RTTN: variants seen among roughly 807,000 people sequenced by gnomAD.
RTTN encodes rotatin.
In RTTN, 182 loss-of-function variants were observed where a neutral mutation model predicts 269.2. That is an observed-to-expected ratio of 0.68 (90% CI 0.60 to 0.76). The LOEUF (loss-of-function observed/expected upper bound fraction) is 0.76, where lower values mean the gene tolerates loss of function less well. RTTN is among the 30% of genes least tolerant of loss of function. The pLI, the probability that RTTN is intolerant of heterozygous loss-of-function variation, is 0.00. For missense variants in RTTN, 2,545 were observed against 2,608.6 expected (o/e 0.98, Z 0.53); for synonymous variants, 1,006 against 963.5 (o/e 1.04, Z -0.82).
chr18:70,090,151 G>A (rs1053494112), intron 30 of RTTN, among the ~76,000 whole-genome samples: 2 of 152,160 alleles, frequency 1.3e-5, no homozygotes, highest in Non-Finnish European at 2.9e-5. Flanking sequence ...AAGATGCAGA[G>A]AATGAAGGAA....
chr18:70,152,203 T>C (rs2060556378), intron 14 of RTTN, among the ~76,000 whole-genome samples: 1 of 60,570 alleles, frequency 1.7e-5, no homozygotes, highest in Non-Finnish European at 5.5e-5. Context: ...GTGGCTTTAA[T>C]ATCATCTCTA....
intron 8 of RTTN, 38 bp downstream of exon 8, chr18:70,193,250 G>A: frequency 6.5e-7 from 1 of 1,542,666 alleles, no homozygotes; most frequent in Non-Finnish European, 8.8e-7. Flanking sequence ...AAGTTAACCG[G>A]CATTTCTCAT....
rs770502697 is a variant in RTTN, at chr18:70,114,591, G to T, written c.3537C>A (p.Asn1179Lys). The change falls in exon 27 of 49, where the codon AAC becomes AAA. Residue 1179 changes from asparagine to lysine, a missense_variant. Physicochemically the swap from Asn to Lys is moderately conservative, Grantham distance 94. Transcript: ENST00000640769. Reference protein sequence around the residue: ...ILELLLRHSANPLLDLLVLTE... With the variant: ...ILELLLRHSAKPLLDLLVLTE... ...TCAGAACCAAGAGGTCTAACAGTGG[G>T]TTTGCACTCTAAAAAATGAAATTTG... 6.2e-7 allele frequency: 1 copy of T among 1,608,046 alleles called. No individual in the cohort carries two copies. The highest frequency in any genetic ancestry group is 8.5e-7 in the Non-Finnish European group (1 of 1,178,244).
chr18:70,008,362 C>G (rs944922579), intron 46 of RTTN: 1 of 152,082 alleles, frequency 6.6e-6, no homozygotes, highest in Admixed American at 6.5e-5. Context: ...CAAAGGATCA[C>G]AACTCCTCAC....
At chr18:70,096,765 C>A (rs1473869775) in intron 28 of RTTN, among the ~76,000 whole-genome samples, 2 of 152,140 alleles carry the variant, frequency 1.3e-5, no homozygotes, top group Non-Finnish European at 2.9e-5. Flanking sequence ...AGTCAGGAGG[C>A]ACGGGGTTCA....
chr18:70,049,315 T>C (rs1320445212), intron 39 of RTTN, among the ~76,000 whole-genome samples: 1 of 152,178 alleles, frequency 6.6e-6, no homozygotes, highest in African/African-American at 2.4e-5. Flanking sequence ...ATATTATTGG[T>C]GATTCAGGTG....
chr18:70,062,804 A>G (rs2058028809), intron 35 of RTTN, among the ~76,000 whole-genome samples: 1 of 151,972 alleles, frequency 6.6e-6, no homozygotes, highest in African/African-American at 2.4e-5. Flanking sequence ...GTAGAGATAC[A>G]GTCTCACTAT....
At chr18:70,162,777 T>C (rs2060867811) in intron 14 of RTTN, among the ~76,000 whole-genome samples, 1 of 150,276 alleles carries the variant, frequency 6.7e-6, no homozygotes, top group South Asian at 2.1e-4. Context: ...TATTGGGTAC[T>C]ATGCTCACTA....
At chr18:70,040,021 T>C (rs2057293357) in intron 40 of RTTN, among the ~76,000 whole-genome samples, 1 of 148,114 alleles carries the variant, frequency 6.8e-6, no homozygotes, top group Non-Finnish European at 1.5e-5. Flanking sequence ...CCAAAGAAAA[T>C]CATCTTCACT....
At chr18:70,163,665 G>T (rs2060907582) in intron 14 of RTTN, among the ~76,000 whole-genome samples, 1 of 152,106 alleles carries the variant, frequency 6.6e-6, no homozygotes, top group African/African-American at 2.4e-5. Context: ...GACCAGAAGT[G>T]TTTCAGATTT....
intron 40 of RTTN, chr18:70,031,331 T>C: frequency 2.5e-6 from 1 of 401,858 alleles, no homozygotes. Context: ...GTAAAACTGC[T>C]GAACAGGAGA....
chr18:70,054,154 G>A lies in RTTN; in HGVS notation c.5162C>T (p.Thr1721Ile), dbSNP rs768140317. ...ACCTAATACATCTTTGGTACATATG[G>A]TGAGAATTCCAATGATATTGGTGAT... ...PLITNIIGIL[T>I]ICTKDVLDKE... The change falls in exon 38 of 49, where the codon ACC (threonine) becomes ATC (isoleucine). Residue 1721 changes from threonine to isoleucine, a missense_variant. Coordinates refer to ENST00000640769, the MANE Select transcript of RTTN (RefSeq NM_173630.4). 1.2e-6 allele frequency: 2 copies of A among 1,613,080 alleles called. No homozygotes were observed. Among genetic ancestry groups the A allele is most frequent in the Non-Finnish European group, 1.7e-6 (2 of 1,179,204 alleles).
chr18:70,168,507 A>T (rs1202181372), intron 12 of RTTN, among the ~76,000 whole-genome samples: 1 of 152,188 alleles, frequency 6.6e-6, no homozygotes, highest in East Asian at 1.9e-4. Flanking sequence ...GCACTAAAAT[A>T]GCCCTTATAA....
intron 37 of RTTN, among the ~76,000 whole-genome samples, chr18:70,056,106 C>A (rs899483876): frequency 6.6e-6 from 1 of 152,234 alleles, no homozygotes. Flanking sequence ...CTGTCTCCTG[C>A]ATTTATGGCA....
chr18:70,052,642 T>TTATATATATATATATATATATATA (rs1327265663), intron 38 of RTTN, among the ~76,000 whole-genome samples: 1 of 145,848 alleles, frequency 6.9e-6, no homozygotes, highest in Non-Finnish European at 1.5e-5. Context: ...ATTTATTTAC[T>TTATATATATATATATATATATATA]TATATATATA....
chr18:70,164,868 T>C (rs1000998330), intron 14 of RTTN, among the ~76,000 whole-genome samples: 2 of 152,208 alleles, frequency 1.3e-5, no homozygotes, highest in Non-Finnish European at 2.9e-5. Flanking sequence ...AGACATATTT[T>C]AATGAAACCG....
chr18:70,055,913 T>C (rs780388258), intron 37 of RTTN, among the ~76,000 whole-genome samples: 3 of 152,200 alleles, frequency 2.0e-5, no homozygotes, highest in Non-Finnish European at 2.9e-5. Flanking sequence ...AGCAGGGCTC[T>C]GGCCACCCCA....
At chr18:70,131,959 C>T (rs1190793172) in intron 23 of RTTN, 2 of 149,698 alleles carry the variant, frequency 1.3e-5, no homozygotes, top group African/African-American at 4.9e-5. Context: ...AAAAAAAGTA[C>T]ATTTAAGGAC....
At chr18:70,192,098 T>C (rs576415437) in intron 8 of RTTN, among the ~76,000 whole-genome samples, 1 of 152,226 alleles carries the variant, frequency 6.6e-6, no homozygotes, top group South Asian at 2.1e-4. Flanking sequence ...TAATGCTATA[T>C]ATAATATCAA....
Sources: gnomAD v4.1 joint callset for allele counts (sites outside exome capture counted in the v4.1 genomes callset) on GRCh38, gnomAD v4.1.1 for gene constraint, MANE v1.5 for transcripts, NCBI Gene and HGNC (gene_info 2026-07-23, HGNC 2026-07-21) for gene names.